ITGA11: variants seen among roughly 807,000 people sequenced by gnomAD.
ITGA11 encodes integrin subunit alpha 11.
ITGA11 carries 97 observed loss-of-function variants against 141.9 expected under a neutral mutation model. The observed-to-expected ratio is 0.68, with a 90% CI of 0.58 to 0.81. The LOEUF is 0.81. Among genes scored for constraint, ITGA11 ranks in the 30% least tolerant of loss-of-function variants. The pLI, the probability that ITGA11 is intolerant of heterozygous loss-of-function variation, is 0.00. For missense variants in ITGA11, 1,387 were observed against 1,559.2 expected (o/e 0.89, Z 1.86); for synonymous variants, 658 against 624.6 (o/e 1.05, Z -0.80).
At chr15:68,353,888 C>T (rs1894989416) in intron 7 of ITGA11, among the ~76,000 whole-genome samples, 1 of 152,080 alleles carries the variant, frequency 6.6e-6, no homozygotes, top group African/African-American at 2.4e-5. Context: ...CCTCTCTTAG[C>T]CTCTGGTCCT....
chr15:68,331,780 A>G (rs1320328433), intron 14 of ITGA11, 79 bp downstream of exon 14: 50 of 1,235,116 alleles, frequency 4.0e-5, no homozygotes, highest in Middle Eastern at 2.1e-4. Flanking sequence ...CCTGAACCAG[A>G]TGAGGCACAG....
chr15:68,314,853 T>C (rs1018260197), intron 22 of ITGA11, among the ~76,000 whole-genome samples: 1 of 152,188 alleles, frequency 6.6e-6, no homozygotes, highest in Non-Finnish European at 1.5e-5. Flanking sequence ...TGCACGTGTG[T>C]GTGCTGGAAT....
intron 10 of ITGA11, among the ~76,000 whole-genome samples, chr15:68,348,371 C>T (rs1196851129): frequency 5.9e-5 from 9 of 152,186 alleles, no homozygotes; most frequent in Non-Finnish European, 8.8e-5. Context: ...ATGTGCAGGC[C>T]GCCTTGGGCA....
chr15:68,329,119 T>C (rs966150107), intron 15 of ITGA11, among the ~76,000 whole-genome samples: 1 of 152,224 alleles, frequency 6.6e-6, no homozygotes, highest in Non-Finnish European at 1.5e-5. Context: ...CTCTGCACTG[T>C]AGCGTGAAAG....
At chr15:68,354,682 T>G (rs1895016393) in intron 7 of ITGA11, among the ~76,000 whole-genome samples, 1 of 152,136 alleles carries the variant, frequency 6.6e-6, no homozygotes, top group Admixed American at 6.5e-5. Context: ...CAGTGCCGCC[T>G]CCTCCTGGCA....
chr15:68,355,071 G>A (rs907013790), intron 7 of ITGA11, among the ~76,000 whole-genome samples: 1 of 152,134 alleles, frequency 6.6e-6, no homozygotes, highest in Non-Finnish European at 1.5e-5. Context: ...GGGGTTGGTG[G>A]GTTGTAAAGT....
chr15:68,401,848 TAGAA>T (rs1300443591), intron 2 of ITGA11, among the ~76,000 whole-genome samples: 1 of 152,156 alleles, frequency 6.6e-6, no homozygotes, highest in Non-Finnish European at 1.5e-5. Context: ...TATACCTCGG[TAGAA>T]AGATAATAAG....
Position 68,333,298 on chromosome 15 carries a change from A to G in ITGA11, c.1426-820T>C, listed in dbSNP as rs566600628. On this transcript the variant is annotated intron_variant, in intron 12 of 29. Transcript: ENST00000315757. This position sits in a 1 kb window ranked among gnomAD's most constrained non-coding sequence, Gnocchi z 4.2. ...AAATTATTTGTAGAGATGGGGTCTC[A>G]CTATGTTGCCCAGGCTGGTCTGGAA... is the stretch of plus-strand genomic sequence containing the variant. Among the ~76,000 whole-genome samples, 11 of 152,228 alleles carry G rather than the reference A, an allele frequency of 7.2e-5. No individual in the cohort carries two copies. Among genetic ancestry groups the G allele is most frequent in the African/African-American group, 2.6e-4 (11 of 41,542 alleles).
chr15:68,368,472 A>G (rs1292970298), intron 3 of ITGA11, among the ~76,000 whole-genome samples: 1 of 152,246 alleles, frequency 6.6e-6, no homozygotes, highest in Non-Finnish European at 1.5e-5. Context: ...ACACACATGC[A>G]TGCAAACACA....
At chr15:68,323,898 C>T (rs1000144836) in intron 18 of ITGA11, among the ~76,000 whole-genome samples, 1 of 152,196 alleles carries the variant, frequency 6.6e-6, no homozygotes, top group African/African-American at 2.4e-5. Context: ...CTGTGCTGCT[C>T]ATTACCACCT....
intron 10 of ITGA11, among the ~76,000 whole-genome samples, chr15:68,343,740 T>C (rs986569074): frequency 6.6e-6 from 1 of 152,202 alleles, no homozygotes; most frequent in African/African-American, 2.4e-5. Context: ...CAGGAGCCCC[T>C]TCTAAGGCAC....
At chr15:68,404,367 C>A (rs180911548) in intron 1 of ITGA11, among the ~76,000 whole-genome samples, 34 of 152,280 alleles carry the variant, frequency 2.2e-4, no homozygotes, top group Admixed American at 1.9e-3. Flanking sequence ...GACCCTTTCG[C>A]CCTGGCCCCA....
rs757437762 is a variant in ITGA11, at chr15:68,335,021, A to T, written c.1425+676T>A. 6.6e-6 allele frequency among the ~76,000 whole-genome samples: 1 copy of T among 152,190 alleles called. No homozygotes were observed. The highest frequency in any genetic ancestry group is 1.5e-5 in the Non-Finnish European group (1 of 68,022). Reference sequence around the variant, plus strand: ...ATTCTCACAGTGACCAGCCAAGGGCAGTCAGAGACTCAGGAGACAGGACTG... The same window carrying T: ...ATTCTCACAGTGACCAGCCAAGGGCTGTCAGAGACTCAGGAGACAGGACTG... On this transcript the variant is annotated intron_variant, in intron 12 of 29. Coordinates refer to ENST00000315757, the MANE Select transcript of ITGA11 (RefSeq NM_001004439.2). The surrounding 1 kb of genome is among the most constrained non-coding windows in gnomAD (Gnocchi z 4.9).
chr15:68,352,918 A>G (rs72743252), intron 7 of ITGA11, among the ~76,000 whole-genome samples: 2,920 of 152,300 alleles, frequency 0.019, 49 homozygotes, highest in South Asian at 0.035. Context: ...GCCCTCCTTT[A>G]GACCATGAGG....
At chr15:68,351,848 G>A (rs1229283481) in intron 7 of ITGA11, among the ~76,000 whole-genome samples, 6 of 152,058 alleles carry the variant, frequency 3.9e-5, no homozygotes, top group African/African-American at 7.2e-5. Context: ...TGTGGGAGCC[G>A]AAGGCGGGCA....
chr15:68,379,953 G>A (rs1167647714), intron 2 of ITGA11, among the ~76,000 whole-genome samples: 1 of 152,200 alleles, frequency 6.6e-6, no homozygotes, highest in Non-Finnish European at 1.5e-5. Context: ...GATCTGGGCT[G>A]GTGTGCTTGC....
chr15:68,302,979 G>C lies in ITGA11; in HGVS notation c.*80C>G, dbSNP rs1259561606. On this transcript the variant is annotated 3_prime_UTR_variant, in exon 30 of 30. Transcript: ENST00000315757. Reference sequence around the variant, plus strand: ...GCTGGCTTCCTCTCCGCTCCAGCTCGGTGGGGCCACAGGCCTGGGTCTCAA... The same window carrying C: ...GCTGGCTTCCTCTCCGCTCCAGCTCCGTGGGGCCACAGGCCTGGGTCTCAA... 2.5e-6 allele frequency: 3 copies of C among 1,192,620 alleles called. No individual in the cohort carries two copies. The highest frequency in any genetic ancestry group is 3.5e-6 in the Non-Finnish European group (3 of 845,092). 73.9% of individuals were successfully genotyped at this position (1,192,620 alleles called of 1,614,324 possible). A position where few individuals can be genotyped will look rare whatever the true frequency, so the allele number is the denominator to read the frequency against.
intron 1 of ITGA11, among the ~76,000 whole-genome samples, chr15:68,426,263 T>C (rs1897140900): frequency 6.6e-6 from 1 of 152,224 alleles, no homozygotes; most frequent in African/African-American, 2.4e-5. Context: ...TTAGTGCGGT[T>C]CAGCATGAGT....
At chr15:68,347,364 T>C (rs1295748755) in intron 10 of ITGA11, among the ~76,000 whole-genome samples, 1 of 152,216 alleles carries the variant, frequency 6.6e-6, no homozygotes, top group Non-Finnish European at 1.5e-5. Flanking sequence ...ATAACTATCA[T>C]CACCTGCCAA....
Sources: allele counts gnomAD v4.1 joint callset (sites outside exome capture counted in the v4.1 genomes callset), GRCh38; gene constraint gnomAD v4.1.1; non-coding constraint Gnocchi (gnomAD v3.1); transcripts MANE v1.5; gene names NCBI Gene and HGNC (gene_info 2026-07-23, HGNC 2026-07-21).